Variants in CWC15 observed in about 807,000 individuals in gnomAD.
The protein encoded by CWC15 is spliceosome-associated protein CWC15 homolog.
CWC15 carries 12 observed loss-of-function variants against 28.4 expected under a neutral mutation model. The observed-to-expected ratio is 0.42, with a 90% CI of 0.27 to 0.69. CWC15 has a LOEUF of 0.69. CWC15 is among the 30% of genes least tolerant of loss of function. CWC15 has a pLI of 0.23. For missense variants in CWC15, 192 were observed against 271.5 expected, an observed-to-expected ratio of 0.71 and a Z score of 2.06; for synonymous variants, 92 against 88.4, an observed-to-expected ratio of 1.04 and a Z score of -0.23.
In CWC15 at chr11:94,971,395, T is replaced by C; in HGVS notation, c.224A>G (p.Asn75Ser). 6.2e-7 allele frequency: 1 copy of C among 1,612,310 alleles called. No homozygotes were observed. Among genetic ancestry groups the C allele is most frequent in the South Asian group, 1.1e-5 (1 of 90,630 alleles). The change falls in exon 3 of 7, where the codon AAT becomes AGT. Residue 75 changes from asparagine to serine, a missense_variant. By Grantham distance (46) the Asn-to-Ser change is conservative. Transcript: ENST00000279839. ...GGTACCTCGGGTTGGACGATCCCTA[T>C]TTTTCTCTCTTGCAGCAGCTCTCTC... ...ERERAAAREK[N>S]RDRPTREHTT... is the part of the protein sequence containing the mutation.
chr11:94,965,381 G>C (rs1486226676), intron 6 of CWC15, among the ~76,000 whole-genome samples: 1 of 152,176 alleles, frequency 6.6e-6, no homozygotes, highest in African/African-American at 2.4e-5. Context: ...ACCATCTGAA[G>C]GATTTACAGT....
At chr11:94,969,843 A>G in intron 5 of CWC15, 146 bp downstream of exon 5, 1 of 438,228 alleles carries the variant, frequency 2.3e-6, no homozygotes, top group East Asian at 3.5e-5. Context: ...TCATAAAAAT[A>G]ATCATTTATA....
chr11:94,963,817 A>G (rs182964080), intron 6 of CWC15, among the ~76,000 whole-genome samples: 60 of 152,346 alleles, frequency 3.9e-4, no homozygotes, highest in African/African-American at 1.2e-3. Flanking sequence ...TAATGTTTTT[A>G]GGTCTAATAG....
At chr11:94,963,631 C>G in intron 6 of CWC15, 117 bp from the exon 7 acceptor site, 2 of 714,162 alleles carry the variant, frequency 2.8e-6, no homozygotes, top group South Asian at 4.0e-5. Flanking sequence ...TGTGTATCAT[C>G]TGATGCAGCA....
At chr11:94,973,048 G>T (rs587709816) in intron 1 of CWC15, among the ~76,000 whole-genome samples, 34 of 65,082 alleles carry the variant, frequency 5.2e-4, no homozygotes, top group African/African-American at 8.1e-4. Flanking sequence ...AGGATTTTTT[G>T]GGGGGGGGGC....
intron 2 of CWC15, 89 bp from the exon 3 acceptor site, chr11:94,971,576 A>C (rs1555096275): frequency 1.3e-6 from 1 of 754,858 alleles, no homozygotes; most frequent in Admixed American, 2.9e-5. Flanking sequence ...ACAATTCAGG[A>C]ATGAGACTTT....
chr11:94,967,589 T>TGTGGAAG (rs2134100463), intron 5 of CWC15, among the ~76,000 whole-genome samples: 1 of 152,322 alleles, frequency 6.6e-6, no homozygotes, highest in East Asian at 1.9e-4. Flanking sequence ...AAACAGATGG[T>TGTGGAAG]GTGGAAGTCA....
intron 4 of CWC15, 22 bp from the exon 5 acceptor site, chr11:94,970,118 A>T: frequency 8.0e-7 from 1 of 1,249,878 alleles, no homozygotes; most frequent in Non-Finnish European, 1.1e-6. Context: ...GTGAGAGCCC[A>T]GAAGATTGGA....
chr11:94,963,415 G>A lies in CWC15; in HGVS notation c.660C>T (p.His220=). The change falls in exon 7 of 7, where the codon CAC becomes CAT. Residue 220 remains histidine (H), a synonymous_variant. Transcript: ENST00000279839. ...FVNDTLRSEF[H]KKFMEKYIK is the part of the protein sequence containing the mutation. Reference sequence around the variant, plus strand: ...TAATATATTTCTCCATGAACTTTTTGTGAAATTCAGATCGCAGTGTGTCAT... The same window carrying A: ...TAATATATTTCTCCATGAACTTTTTATGAAATTCAGATCGCAGTGTGTCAT... 1 of 1,581,020 alleles carries A rather than the reference G, an allele frequency of 6.3e-7. No homozygotes were observed. The highest frequency in any genetic ancestry group is 1.1e-5 in the South Asian group (1 of 87,150).
In CWC15 at chr11:94,965,070, C is replaced by T. The variant is rs587675991; in HGVS notation, c.560+1225G>A. Reference sequence around the variant, plus strand: ...GAGGGGAAAGCGGTCAGCAGTACTACATCACTCCAAAGGGGAGGGCAGGTA... The same window carrying T: ...GAGGGGAAAGCGGTCAGCAGTACTATATCACTCCAAAGGGGAGGGCAGGTA... On this transcript the variant is annotated intron_variant, in intron 6 of 6. Coordinates refer to ENST00000279839, the MANE Select transcript of CWC15 (RefSeq NM_016403.4). 3.2e-4 allele frequency among the ~76,000 whole-genome samples: 48 copies of T among 152,224 alleles called. 1 individual carries two copies. The South Asian group carries it at 7.3e-3, about 23-fold the overall frequency.
intron 5 of CWC15, 133 bp downstream of exon 5, chr11:94,969,856 T>A (rs80031335): frequency 0.031 from 14,448 of 468,706 alleles, 298 homozygotes; most frequent in Non-Finnish European, 0.04. Flanking sequence ...CATTTATAGA[T>A]CTACAAGTGC....
intron 1 of CWC15, chr11:94,973,295 G>A (rs1857756372): frequency 8.1e-5 from 2 of 24,684 alleles, no homozygotes; most frequent in South Asian, 1.6e-3. Context: ...TTACGCAGTA[G>A]GCGAGCTGCC....
chr11:94,969,946 T>C (rs1182620111), intron 5 of CWC15, 43 bp downstream of exon 5: 1 of 1,305,358 alleles, frequency 7.7e-7, no homozygotes. Context: ...TACCTTAGTG[T>C]ATGTGAGAAG....
At chr11:94,970,259 G>T in intron 4 of CWC15, 163 bp from the exon 5 acceptor site, 1 of 412,094 alleles carries the variant, frequency 2.4e-6, no homozygotes, top group Non-Finnish European at 4.3e-6. Context: ...AAAAAAGTGT[G>T]CTAAATTCTC....
At position 94,972,037 on chromosome 11, in the gene CWC15, A is replaced by C. The variant is rs781872514; in HGVS notation, c.131+18T>G. On this transcript the variant is annotated intron_variant, in intron 2 of 6. Coordinates refer to ENST00000279839, the MANE Select transcript of CWC15 (RefSeq NM_016403.4). ...CTGGTCTTGTTTTGTGAACAATAAA[A>C]AAAGAAAGTCTTACTACCTGTATTT... 3 of 1,604,454 alleles carry C rather than the reference A, an allele frequency of 1.9e-6. No homozygotes were observed. Among genetic ancestry groups the C allele is most frequent in the Non-Finnish European group, 2.6e-6 (3 of 1,175,852 alleles).
chr11:94,969,662 T>G (rs1857691715), intron 5 of CWC15, among the ~76,000 whole-genome samples: 1 of 152,220 alleles, frequency 6.6e-6, no homozygotes, highest in South Asian at 2.1e-4. Flanking sequence ...ATAATCTTTG[T>G]AGACCACAAC....
chr11:94,968,343 C>T (rs1163438227), intron 5 of CWC15, among the ~76,000 whole-genome samples: 1 of 152,140 alleles, frequency 6.6e-6, no homozygotes, highest in African/African-American at 2.4e-5. Context: ...TGGCAAAAAC[C>T]AGCCAATAGA....
At chr11:94,965,056 G>T (rs182562911) in intron 6 of CWC15, among the ~76,000 whole-genome samples, 7 of 150,732 alleles carry the variant, frequency 4.6e-5, no homozygotes, top group African/African-American at 1.7e-4. Context: ...AGGGGAAAGC[G>T]GTCAGCAGTA....
intron 6 of CWC15, among the ~76,000 whole-genome samples, chr11:94,964,944 T>C (rs1349043401): frequency 6.6e-6 from 1 of 152,248 alleles, no homozygotes; most frequent in East Asian, 1.9e-4. Context: ...AGCTGATAAC[T>C]TCCAAATCTA....
Sources: allele counts gnomAD v4.1 joint callset (sites outside exome capture counted in the v4.1 genomes callset), GRCh38; gene constraint gnomAD v4.1.1; transcripts MANE v1.5; gene names NCBI Gene and HGNC (gene_info 2026-07-23, HGNC 2026-07-21).